Variants in NLGN1 observed in about 807,000 individuals in gnomAD.
NLGN1 encodes the protein neuroligin-1.
A neutral mutation model predicts 65.5 loss-of-function variants in NLGN1; 12 were observed. The observed-to-expected ratio is 0.18, with a 90% CI of 0.12 to 0.30. The LOEUF (loss-of-function observed/expected upper bound fraction) is 0.30, where lower values mean the gene tolerates loss of function less well. Ranked by LOEUF, NLGN1 falls within the 10% of genes least tolerant of loss-of-function variation. The pLI is 1.00. For missense variants in NLGN1, 750 were observed against 1,007.1 expected, an observed-to-expected ratio of 0.74 and a Z score of 3.46; for synonymous variants, 350 against 359.5, an observed-to-expected ratio of 0.97 and a Z score of 0.30.
intron 4 of NLGN1, among the ~76,000 whole-genome samples, chr3:173,870,236 T>C (rs1730919474): frequency 6.6e-6 from 1 of 152,224 alleles, no homozygotes; most frequent in Non-Finnish European, 1.5e-5. Flanking sequence ...TTAAAATCTC[T>C]GTTTTAAAAT....
At chr3:174,155,083 TA>T (rs10709138) in intron 4 of NLGN1, among the ~76,000 whole-genome samples, 51,476 of 143,088 alleles carry the variant, frequency 0.36, 10,947 homozygotes, top group African/African-American at 0.58. Context: ...TTATTTTAAA[TA>T]TTTAAGATGT....
intron 5 of NLGN1, among the ~76,000 whole-genome samples, chr3:174,277,306 G>A (rs1394566192): frequency 6.6e-6 from 1 of 151,934 alleles, no homozygotes; most frequent in Admixed American, 6.6e-5. Flanking sequence ...TATACCATGA[G>A]TCAACCCCAT....
chr3:173,708,211 C>A (rs1161005510), intron 3 of NLGN1, among the ~76,000 whole-genome samples: 2 of 152,150 alleles, frequency 1.3e-5, no homozygotes, highest in Non-Finnish European at 2.9e-5. Context: ...TGTCCTTCTA[C>A]CTTGATAAAT....
intron 4 of NLGN1, among the ~76,000 whole-genome samples, chr3:173,881,225 A>T (rs1733193570): frequency 6.6e-6 from 1 of 150,416 alleles, no homozygotes; most frequent in African/African-American, 2.5e-5. Flanking sequence ...CAGCCCCCAG[A>T]GTAGCTGGGA....
intron 4 of NLGN1, among the ~76,000 whole-genome samples, chr3:174,160,200 A>G (rs1331980626): frequency 6.6e-6 from 1 of 151,788 alleles, no homozygotes; most frequent in Admixed American, 6.6e-5. Context: ...ACAATTTTAA[A>G]TATTATACAA....
intron 4 of NLGN1, among the ~76,000 whole-genome samples, chr3:173,898,407 T>A (rs1236993221): frequency 6.6e-6 from 1 of 152,176 alleles, no homozygotes; most frequent in East Asian, 1.9e-4. Flanking sequence ...GTGCATCTCT[T>A]CCCATTGTGC....
intron 4 of NLGN1, among the ~76,000 whole-genome samples, chr3:173,952,211 A>G (rs1748355743): frequency 6.6e-6 from 1 of 152,176 alleles, no homozygotes; most frequent in Admixed American, 6.5e-5. Context: ...AGTCAATCCC[A>G]TAAAGATAGG....
At chr3:173,946,522 T>A (rs1472665091) in intron 4 of NLGN1, among the ~76,000 whole-genome samples, 4 of 152,210 alleles carry the variant, frequency 2.6e-5, no homozygotes, top group Non-Finnish European at 5.9e-5. Flanking sequence ...TTAATGGATG[T>A]TTAGGTTATT....
intron 2 of NLGN1, among the ~76,000 whole-genome samples, chr3:173,461,361 A>AT (rs370589393): frequency 9.2e-4 from 137 of 149,406 alleles, no homozygotes; most frequent in South Asian, 4.9e-3. Context: ...ATTTGTTTTT[A>AT]TTTTTTTTTT....
chr3:173,409,164 T>C (rs1012373880), intron 1 of NLGN1, among the ~76,000 whole-genome samples: 2 of 152,120 alleles, frequency 1.3e-5, no homozygotes. Context: ...TGGAATAATT[T>C]GTTAGAGTGT....
chr3:174,042,476 C>T (rs939060833), intron 4 of NLGN1, among the ~76,000 whole-genome samples: 3 of 152,158 alleles, frequency 2.0e-5, no homozygotes, highest in Non-Finnish European at 2.9e-5. Context: ...TTTCCTTTCT[C>T]TATTGCATTG....
At chr3:174,146,055 C>T (rs947982196) in intron 4 of NLGN1, among the ~76,000 whole-genome samples, 6 of 152,064 alleles carry the variant, frequency 3.9e-5, no homozygotes, top group African/African-American at 1.4e-4. Context: ...TTAATATATG[C>T]ATGTACCTTA....
chr3:173,767,709 A>C (rs1778984809), intron 3 of NLGN1, among the ~76,000 whole-genome samples: 1 of 152,080 alleles, frequency 6.6e-6, no homozygotes, highest in Admixed American at 6.6e-5. Context: ...ACAATGACCC[A>C]TTCAATTTGA....
chr3:174,257,028 A>G (rs1443325195), intron 4 of NLGN1, among the ~76,000 whole-genome samples: 3 of 152,210 alleles, frequency 2.0e-5, no homozygotes, highest in Non-Finnish European at 4.4e-5. Context: ...AAGGTCTAAT[A>G]TCCAACATCT....
intron 2 of NLGN1, among the ~76,000 whole-genome samples, chr3:173,469,595 C>T (rs1252507632): frequency 1.3e-5 from 2 of 151,124 alleles, no homozygotes; most frequent in African/African-American, 4.9e-5. Flanking sequence ...GCCTAGGAAG[C>T]AGAGTTAAGT....
At chr3:174,080,434 G>A (rs939555328) in intron 4 of NLGN1, among the ~76,000 whole-genome samples, 4 of 152,182 alleles carry the variant, frequency 2.6e-5, no homozygotes, top group African/African-American at 4.8e-5. Context: ...CCTAGCAGGC[G>A]ACTTAAGAGA....
At chr3:173,822,947 TA>T (rs1036609791) in intron 4 of NLGN1, among the ~76,000 whole-genome samples, 15 of 152,212 alleles carry the variant, frequency 9.9e-5, no homozygotes, top group Admixed American at 7.2e-4. Context: ...AAAAACCTGC[TA>T]TTTTTTGGAA....
chr3:173,469,667 G>T (rs58355653), intron 2 of NLGN1, among the ~76,000 whole-genome samples: 24,535 of 151,550 alleles, frequency 0.16, 2,092 homozygotes, highest in Middle Eastern at 0.26. Flanking sequence ...ATTCACAATG[G>T]TGTGTAACCA....
At chr3:174,001,021 A>G (rs1723180308) in intron 4 of NLGN1, among the ~76,000 whole-genome samples, 1 of 152,090 alleles carries the variant, frequency 6.6e-6, no homozygotes, top group South Asian at 2.1e-4. Context: ...TTCCCCACCC[A>G]CCTCCACAGA....
Sources: gnomAD v4.1 joint callset for allele counts (sites outside exome capture counted in the v4.1 genomes callset) on GRCh38, gnomAD v4.1.1 for gene constraint, MANE v1.5 for transcripts, NCBI Gene and HGNC (gene_info 2026-07-23, HGNC 2026-07-21) for gene names.